The following DNAAF9 variants were observed in gnomAD, a reference collection of about 807,000 sequenced individuals.
DNAAF9 encodes shulin.
A neutral mutation model predicts 167.0 loss-of-function variants in DNAAF9; 90 were observed. The ratio of observed to expected loss-of-function variants is 0.54; its 90% CI spans 0.45 to 0.64. The LOEUF is 0.64. Ranked by LOEUF, DNAAF9 falls within the 30% of genes least tolerant of loss-of-function variation. The probability of loss-of-function intolerance (pLI) is 0.00; values close to 1 mark genes in which losing one functional copy is unlikely to be tolerated. For missense variants in DNAAF9, 1,315 were observed against 1,442.2 expected, an observed-to-expected ratio of 0.91 and a Z score of 1.43; for synonymous variants, 491 against 508.8, an observed-to-expected ratio of 0.96 and a Z score of 0.47.
intron 10 of DNAAF9, 63 bp downstream of exon 10, chr20:3,340,441 C>A (rs2070056629): frequency 7.8e-5 from 13 of 166,528 alleles, no homozygotes; most frequent in East Asian, 2.0e-4. Flanking sequence ...GCTCCCCCCA[C>A]CCACCCCACC....
chr20:3,340,577 C>T lies in DNAAF9; in HGVS notation c.908G>A (p.Gly303Asp). The change falls in exon 10 of 37, where the codon GGC becomes GAC. Residue 303 changes from glycine to aspartate, a missense_variant. Around this residue, in one of 2 missense-constraint regions of DNAAF9, gnomAD observed 981 missense variants for 1,012.5 expected, o/e 0.97. Coordinates refer to ENST00000252032, the MANE Select transcript of DNAAF9 (RefSeq NM_001009984.3). ...TCCTTCAGAAGGGAAGTTAAAGTTG[C>T]CAGCATTCAGGTTTTCTCGTGTGGA... Reference protein sequence around the residue: ...NHSTRENLNAGNFNFPSEGHL... With the variant: ...NHSTRENLNADNFNFPSEGHL... 6.2e-7 allele frequency: 1 copy of T among 1,613,756 alleles called. No individual in the cohort carries two copies. The highest frequency in any genetic ancestry group is 8.5e-7 in the Non-Finnish European group (1 of 1,179,750).
intron 1 of DNAAF9, among the ~76,000 whole-genome samples, chr20:3,386,597 G>GA (rs58230057): frequency 2.7e-4 from 41 of 151,796 alleles, no homozygotes; most frequent in African/African-American, 8.7e-4. Context: ...GATCCATAGG[G>GA]AAAAAAAATG....
At chr20:3,354,381 T>C (rs1438332983) in intron 7 of DNAAF9, among the ~76,000 whole-genome samples, 1 of 152,236 alleles carries the variant, frequency 6.6e-6, no homozygotes, top group Non-Finnish European at 1.5e-5. Flanking sequence ...TCAAGAACCA[T>C]GCCACTGTGC....
chr20:3,281,636 T>C lies in DNAAF9; in HGVS notation c.2612+5A>G, dbSNP rs776396889. On this transcript the variant is annotated splice_donor_5th_base_variant and intron_variant, in intron 28 of 36. Coordinates refer to ENST00000252032, the MANE Select transcript of DNAAF9 (RefSeq NM_001009984.3). Reference sequence around the variant, plus strand: ...GTACACTTACACACCATATCCTGTATCTACCTGTGCTCCATGTAGCAGCTC... The same window carrying C: ...GTACACTTACACACCATATCCTGTACCTACCTGTGCTCCATGTAGCAGCTC... 6 of 1,605,230 alleles carry C rather than the reference T, an allele frequency of 3.7e-6. No individual in the cohort carries two copies. In the Admixed American group the frequency reaches 5.2e-5, roughly 14 times the overall value.
At chr20:3,277,256 CT>C (rs781765707) in intron 29 of DNAAF9, among the ~76,000 whole-genome samples, 2 of 152,144 alleles carry the variant, frequency 1.3e-5, no homozygotes, top group Non-Finnish European at 2.9e-5. Context: ...GTGGGCTTTT[CT>C]CTGTTCTTCC....
At position 3,260,107 on chromosome 20, in the gene DNAAF9, A is replaced by C. The variant is rs561819153; in HGVS notation, c.2874-79T>G. On this transcript the variant is annotated intron_variant, in intron 31 of 36. Coordinates refer to ENST00000252032, the MANE Select transcript of DNAAF9 (RefSeq NM_001009984.3). ...GTAATCCCAGCACTCTGGGAGGCCG[A>C]GGCGGGTGGATCATGAGGTCAGGAG... 8 of 727,552 alleles carry C rather than the reference A, an allele frequency of 1.1e-5. No homozygotes were observed. The East Asian group carries it at 2.3e-4, about 21-fold the overall frequency. 45.1% of individuals were successfully genotyped at this position (727,552 alleles called of 1,614,324 possible).
chr20:3,374,003 G>A lies in DNAAF9; in HGVS notation c.612+45C>T, dbSNP rs746100065. The A allele has an allele frequency of 2.4e-6, 3 of 1,225,600 alleles. No individual in the cohort carries two copies. In the African/African-American group the frequency reaches 4.5e-5, roughly 18 times the overall value. 75.9% of individuals were successfully genotyped at this position (1,225,600 alleles called of 1,614,324 possible). A position where few individuals can be genotyped will look rare whatever the true frequency, so the allele number is the denominator to read the frequency against. On this transcript the variant is annotated intron_variant, in intron 6 of 36. Transcript: ENST00000252032. ...CTCACATGGGTTCTTCATAAAAACA[G>A]CCCAGTGGCAGACAAAAACTAGGCA... is the stretch of plus-strand genomic sequence containing the variant.
rs1329742490 is a variant in DNAAF9, at chr20:3,251,350, A to T, written c.*1222T>A. The stretch of plus-strand genomic sequence containing the variant: ...CTTCTTCCTAAGGCATGCAAAAAAA[A>T]ATATGTGAAATTCAGAAAACATTTA... On this transcript the variant is annotated 3_prime_UTR_variant, in exon 37 of 37. Coordinates refer to ENST00000252032, the MANE Select transcript of DNAAF9 (RefSeq NM_001009984.3). 2 of 151,994 alleles carry T rather than the reference A, an allele frequency of 1.3e-5. No homozygotes were observed. The highest frequency in any genetic ancestry group is 2.9e-5 in the Non-Finnish European group (2 of 67,994). The allele number at this position is 151,994 out of a possible 1,614,324, so 9.4% of individuals were successfully genotyped here. A position where few individuals can be genotyped will look rare whatever the true frequency, so the allele number is the denominator to read the frequency against.
rs2068352054 is a variant in DNAAF9, at chr20:3,259,989, T to C, written c.2913A>G (p.Leu971=). The part of the protein sequence containing the change: ...GKLNAGSVYP[L]MVQICVWFGR... ...CAAACCATACGCAGATCTGAACCAT[T>C]AGGGGATAGACTGATCCAGCATTCA... Residue 971 remains leucine (L), a synonymous_variant, in exon 32 of 37, where the codon CTA becomes CTG. Coordinates refer to ENST00000252032, the MANE Select transcript of DNAAF9 (RefSeq NM_001009984.3). 2 of 1,612,374 alleles carry C rather than the reference T, an allele frequency of 1.2e-6. No individual in the cohort carries two copies. Among genetic ancestry groups the C allele is most frequent in the Non-Finnish European group, 8.5e-7 (1 of 1,178,406 alleles).
intron 20 of DNAAF9, among the ~76,000 whole-genome samples, chr20:3,311,413 A>C (rs2069411792): frequency 6.6e-6 from 1 of 152,008 alleles, no homozygotes; most frequent in African/African-American, 2.4e-5. Context: ...GATGCTGGCT[A>C]ATTTAAAAAA....
chr20:3,319,929 T>C (rs915195041), intron 16 of DNAAF9, among the ~76,000 whole-genome samples: 4 of 152,220 alleles, frequency 2.6e-5, no homozygotes, highest in Admixed American at 1.3e-4. Flanking sequence ...CTGAGCTACA[T>C]GGTCCCTCTT....
chr20:3,366,002 C>T (rs1238148160), intron 6 of DNAAF9, among the ~76,000 whole-genome samples: 2 of 152,194 alleles, frequency 1.3e-5, no homozygotes, highest in Non-Finnish European at 2.9e-5. Context: ...GTGACTCCCT[C>T]CACTGAAGTC....
Position 3,256,140 on chromosome 20 carries a change from C to G in DNAAF9, c.3127G>C (p.Gly1043Arg), listed in dbSNP as rs961987160. The G allele has an allele frequency of 2.2e-5, 36 of 1,614,184 alleles. No homozygotes were observed. Among genetic ancestry groups the G allele is most frequent in the Non-Finnish European group, 3.0e-5 (35 of 1,180,014 alleles). The change falls in exon 34 of 37, where the codon GGA becomes CGA. Residue 1043 changes from glycine to arginine, a missense_variant. Transcript: ENST00000252032. ...NSLSIMPVLEGPTPPPDSKSV... is the reference protein window; with the variant it reads ...NSLSIMPVLERPTPPPDSKSV... The stretch of plus-strand genomic sequence containing the variant: ...TTGGAGTCTGGTGGTGGTGTGGGTC[C>G]TTCCAAAACTGGCATGATGCTCAAG...
chr20:3,302,244 A>C lies in DNAAF9; in HGVS notation c.1782+2196T>G, dbSNP rs576448633. 2.8e-3 allele frequency among the ~76,000 whole-genome samples: 431 copies of C among 152,220 alleles called. 2 individuals carry two copies. The highest frequency in any genetic ancestry group is 9.8e-3 in the African/African-American group (408 of 41,540). Reference sequence around the variant, plus strand: ...ATGAGCCACTGTGCCTAGCCATAAAAAAATTTTTTTATTTTTAATTAATAC... The same window carrying C: ...ATGAGCCACTGTGCCTAGCCATAAACAAATTTTTTTATTTTTAATTAATAC... On this transcript the variant is annotated intron_variant, in intron 21 of 36. Transcript: ENST00000252032.
intron 27 of DNAAF9, among the ~76,000 whole-genome samples, chr20:3,283,883 TAG>T (rs1203991111): frequency 1.3e-5 from 2 of 152,158 alleles, no homozygotes; most frequent in Non-Finnish European, 2.9e-5. Context: ...GGATTTCCCT[TAG>T]AGAGAGTGCC....
At position 3,348,528 on chromosome 20, in the gene DNAAF9, A is replaced by ACCCGC; in HGVS notation, c.781_785dup (p.Glu263ArgfsTer13). Reference sequence around the variant, plus strand: ...CTTTGACCCTTCCCTTACATACCTCACCCGCCTGAGATTCTGAAAGTTCTA... The same window carrying ACCCGC: ...CTTTGACCCTTCCCTTACATACCTCACCCGCCCCGCCTGAGATTCTGAAAGTTCTA... On this transcript the variant is annotated frameshift_variant, in exon 8 of 37. Transcript: ENST00000252032. LOFTEE classifies it high-confidence loss of function. 1.3e-6 allele frequency: 2 copies of ACCCGC among 1,575,368 alleles called. No homozygotes were observed. The highest frequency in any genetic ancestry group is 1.7e-6 in the Non-Finnish European group (2 of 1,150,822).
At chr20:3,259,583 C>T (rs369053899) in intron 32 of DNAAF9, 29 bp from the exon 33 acceptor site, 4 of 1,532,832 alleles carry the variant, frequency 2.6e-6, no homozygotes, top group Middle Eastern at 3.4e-4. Context: ...AGCGCTGTCA[C>T]CCACATGGAG....
intron 1 of DNAAF9, among the ~76,000 whole-genome samples, chr20:3,389,788 C>T (rs928039097): frequency 7.2e-5 from 11 of 152,100 alleles, no homozygotes; most frequent in African/African-American, 2.2e-4. Context: ...GTAATCCCAA[C>T]ACTTTGGGAG....
chr20:3,354,615 G>T (rs1350153687), intron 7 of DNAAF9, among the ~76,000 whole-genome samples: 1 of 152,206 alleles, frequency 6.6e-6, no homozygotes, highest in Non-Finnish European at 1.5e-5. Flanking sequence ...CTTTCAGAAA[G>T]CCTCCTTCTC....
Sources: gnomAD v4.1 joint callset for allele counts (sites outside exome capture counted in the v4.1 genomes callset) on GRCh38, gnomAD v4.1.1 for gene constraint, gnomAD v4.1.1 regional missense constraint, MANE v1.5 for transcripts, NCBI Gene and HGNC (gene_info 2026-07-23, HGNC 2026-07-21) for gene names.